The following FOXP2 variants were observed in gnomAD, a reference collection of about 807,000 sequenced individuals.
The protein encoded by FOXP2 is forkhead box P2, also known as forkhead box protein P2.
In FOXP2, 12 loss-of-function variants were observed where a neutral mutation model predicts 115.8. The observed-to-expected ratio is 0.10, with a 90% CI of 0.07 to 0.17. FOXP2 has a LOEUF of 0.17. Among genes scored for constraint, FOXP2 ranks in the 10% least tolerant of loss-of-function variants. FOXP2 has a pLI of 1.00. For synonymous variants in FOXP2, 328 were observed against 297.7 expected (o/e 1.10, Z -1.05); for missense variants, 629 against 843.5 (o/e 0.75, Z 3.15).
At chr7:114,530,428 T>C (rs903844528) in intron 2 of FOXP2, among the ~76,000 whole-genome samples, 6 of 151,950 alleles carry the variant, frequency 3.9e-5, no homozygotes, top group African/African-American at 1.4e-4. Flanking sequence ...TTCATTTTAA[T>C]GTCTCAAATG....
At chr7:114,288,194 T>G in intron 2 of FOXP2, 1 of 424,298 alleles carries the variant, frequency 2.4e-6, no homozygotes, top group Non-Finnish European at 4.7e-6. Context: ...TTTAGTTTTT[T>G]TGGTTAAATA....
intron 16 of FOXP2, chr7:114,667,871 G>T (rs1807257883): frequency 6.6e-6 from 1 of 152,078 alleles, no homozygotes; most frequent in Non-Finnish European, 1.5e-5. Flanking sequence ...ACTGGAAGCA[G>T]AAAATTAATT....
At chr7:114,620,346 A>G (rs1050501299) in intron 3 of FOXP2, among the ~76,000 whole-genome samples, 2 of 152,186 alleles carry the variant, frequency 1.3e-5, no homozygotes, top group East Asian at 1.9e-4. Flanking sequence ...TATTCTGACC[A>G]AAGTGTTAAT....
chr7:114,625,112 T>G (rs996364328), intron 3 of FOXP2, among the ~76,000 whole-genome samples: 6 of 151,672 alleles, frequency 4.0e-5, no homozygotes, highest in African/African-American at 1.5e-4. Flanking sequence ...GACCCTTGTT[T>G]GGTGCATCAC....
chr7:114,114,280 T>C (rs555743729), intron 1 of FOXP2, among the ~76,000 whole-genome samples: 15 of 150,716 alleles, frequency 1.0e-4, no homozygotes, highest in East Asian at 9.7e-4. Flanking sequence ...CACACACACA[T>C]ATATATAAAT....
chr7:114,212,569 A>C (rs772712082), intron 1 of FOXP2, among the ~76,000 whole-genome samples: 76 of 152,042 alleles, frequency 5.0e-4, no homozygotes, highest in Non-Finnish European at 9.9e-4. Context: ...AAAAAAAAAA[A>C]CAAGGAGTTT....
chr7:114,648,135 C>T (rs1806023976), intron 8 of FOXP2, among the ~76,000 whole-genome samples: 1 of 151,988 alleles, frequency 6.6e-6, no homozygotes, highest in Admixed American at 6.6e-5. Context: ...GCTGACTACT[C>T]TAAAAATTAT....
chr7:114,386,127 A>AGAGG (rs1421728176), intron 2 of FOXP2, among the ~76,000 whole-genome samples: 3 of 152,200 alleles, frequency 2.0e-5, no homozygotes, highest in Admixed American at 1.3e-4. Flanking sequence ...TGCCGGATCC[A>AGAGG]GAGGGATGGG....
intron 2 of FOXP2, among the ~76,000 whole-genome samples, chr7:114,504,642 A>T (rs1797728761): frequency 6.6e-6 from 1 of 151,670 alleles, no homozygotes; most frequent in Non-Finnish European, 1.5e-5. Flanking sequence ...ACCCAAAAAA[A>T]GAAAAAGAGT....
At chr7:114,382,860 C>T (rs1282000282) in intron 2 of FOXP2, among the ~76,000 whole-genome samples, 1 of 152,172 alleles carries the variant, frequency 6.6e-6, no homozygotes, top group African/African-American at 2.4e-5. Flanking sequence ...AATTTTCTTC[C>T]TTTCCCTGTG....
intron 4 of FOXP2, 191 bp downstream of exon 4, chr7:114,628,868 A>C (rs1804739298): frequency 1.5e-6 from 1 of 653,262 alleles, no homozygotes; most frequent in Admixed American, 2.9e-5. Flanking sequence ...TTTTTTAAAA[A>C]AATTATTAAA....
intron 13 of FOXP2, among the ~76,000 whole-genome samples, chr7:114,660,340 C>A (rs1408296516): frequency 1.3e-5 from 2 of 152,128 alleles, no homozygotes; most frequent in East Asian, 3.9e-4. Flanking sequence ...TCAGCACAGA[C>A]TAAGTGAACT....
At chr7:114,145,512 G>A (rs944750060) in intron 1 of FOXP2, among the ~76,000 whole-genome samples, 2 of 56,724 alleles carry the variant, frequency 3.5e-5, no homozygotes, top group Non-Finnish European at 8.9e-5. Context: ...TTTTGAGATG[G>A]AGTTTTGCTT....
intron 3 of FOXP2, among the ~76,000 whole-genome samples, chr7:114,566,603 A>G (rs977045542): frequency 6.6e-6 from 1 of 152,124 alleles, no homozygotes; most frequent in African/African-American, 2.4e-5. Context: ...TGCCAGCACC[A>G]TGCTTCTTGT....
At chr7:114,276,003 C>G (rs1391410821) in intron 1 of FOXP2, among the ~76,000 whole-genome samples, 2 of 152,148 alleles carry the variant, frequency 1.3e-5, no homozygotes, top group Non-Finnish European at 1.5e-5. Flanking sequence ...AAATGGAAGG[C>G]AAGAGCTGAC....
chr7:114,451,866 T>C (rs1040370395), intron 2 of FOXP2, among the ~76,000 whole-genome samples: 2 of 151,908 alleles, frequency 1.3e-5, no homozygotes, highest in East Asian at 1.9e-4. Context: ...AGGAGCAAAA[T>C]TGTAGAAGGG....
Position 114,628,541 on chromosome 7 carries a change from T to C in FOXP2, c.260T>C (p.Val87Ala). The C allele has an allele frequency of 6.2e-7, 1 of 1,614,088 alleles. No homozygotes were observed. The highest frequency in any genetic ancestry group is 1.1e-5 in the South Asian group (1 of 91,082). Residue 87 changes from valine (V) to alanine (A), a missense_variant and splice_region_variant, in exon 4 of 17, where the codon GTG (valine) becomes GCG (alanine). Around this residue, in one of 9 missense-constraint regions of FOXP2, gnomAD observed 91 missense variants for 98.3 expected, o/e 0.93. Transcript: ENST00000350908. ...KSSDKQRPLQ[V>A]PVSVAMMTPQ... ...TTTCTCTTTCTCTTTCTGTGCAAGG[T>C]GCCTGTGTCAGTGGCCATGATGACT...
chr7:114,185,478 C>A (rs1253021461), intron 1 of FOXP2, among the ~76,000 whole-genome samples: 3 of 152,106 alleles, frequency 2.0e-5, no homozygotes, highest in Non-Finnish European at 4.4e-5. Flanking sequence ...TCAAACTTTG[C>A]AATATAAAGC....
At chr7:114,487,338 C>T (rs1267028813) in intron 2 of FOXP2, among the ~76,000 whole-genome samples, 2 of 152,112 alleles carry the variant, frequency 1.3e-5, no homozygotes, top group African/African-American at 2.4e-5. Flanking sequence ...GCACCAAGTC[C>T]CTAGGCTGCA....
Sources: gnomAD v4.1 joint callset for allele counts (sites outside exome capture counted in the v4.1 genomes callset) on GRCh38, gnomAD v4.1.1 for gene constraint, gnomAD v4.1.1 regional missense constraint, MANE v1.5 for transcripts, NCBI Gene and HGNC (gene_info 2026-07-23, HGNC 2026-07-21) for gene names.